PCDH11X: variants seen among roughly 807,000 people sequenced by gnomAD.
PCDH11X encodes the protein protocadherin-11 X-linked.
PCDH11X carries 18 observed loss-of-function variants against 53.3 expected under a neutral mutation model. That is an observed-to-expected ratio of 0.34 (90% CI 0.23 to 0.50). The LOEUF (loss-of-function observed/expected upper bound fraction) is 0.50, where lower values mean the gene tolerates loss of function less well. Among genes scored for constraint, PCDH11X ranks in the 20% least tolerant of loss-of-function variants. The pLI, the probability that PCDH11X is intolerant of heterozygous loss-of-function variation, is 0.98. For missense variants in PCDH11X, 570 were observed against 1,032.4 expected, an observed-to-expected ratio of 0.55 and a Z score of 6.14; for synonymous variants, 279 against 393.3, an observed-to-expected ratio of 0.71 and a Z score of 3.44.
intron 7 of PCDH11X, among the ~76,000 whole-genome samples, chrX:92,232,271 G>A (rs1438771728): frequency 1.8e-5 from 2 of 111,021 alleles, no homozygotes. Flanking sequence ...GGAATAGAAA[G>A]GTCAGTGGCA....
rs1384525356 is a variant in PCDH11X at position 91,949,619 on chromosome X, C to T, written c.3033+70346C>T. ...ACCTGGGTAACTGTGATAAATCACT[C>T]GGCTTCTAGCGCTGTTTTCTCTGCT... On this transcript the variant is annotated intron_variant, in intron 6 of 10. Transcript: ENST00000682573. Among the ~76,000 whole-genome samples the T allele has an allele frequency of 3.6e-5, 4 of 110,005 alleles. 1 individual carries two copies. Among genetic ancestry groups the T allele is most frequent in the East Asian group, 2.9e-4 (1 of 3,466 alleles).
intron 8 of PCDH11X, among the ~76,000 whole-genome samples, chrX:92,273,641 C>T (rs1223594859): frequency 7.3e-5 from 8 of 109,994 alleles, no homozygotes; most frequent in Middle Eastern, 4.7e-3. Flanking sequence ...GGATTAGGGG[C>T]GGCGTGGGAA....
Position 92,084,261 on chromosome X carries a change from G to A in PCDH11X, c.3034-117114G>A, listed in dbSNP as rs190815549. Among the ~76,000 whole-genome samples, 286 of 109,985 alleles carry A rather than the reference G, an allele frequency of 2.6e-3. 2 individuals carry two copies. The highest frequency in any genetic ancestry group is 9.3e-3 in the Middle Eastern group (2 of 215). ...GTCTAGTTTTTGAAAATTTGGAAGA[G>A]TTCGGGCCGGGTGCAGTGGCTAACA... On this transcript the variant is annotated intron_variant, in intron 6 of 10. Coordinates refer to ENST00000682573, the MANE Select transcript of PCDH11X (RefSeq NM_032968.5).
chrX:92,358,769 GTTTCTTTTAT>G (rs1413676460), intron 8 of PCDH11X, among the ~76,000 whole-genome samples: 1 of 105,859 alleles, frequency 9.4e-6, no homozygotes, highest in East Asian at 3.1e-4. Context: ...ACCTCTGTTA[GTTTCTTTTAT>G]TTTCTTTTAG....
intron 6 of PCDH11X, among the ~76,000 whole-genome samples, chrX:92,039,337 T>G (rs1207132547): frequency 8.9e-6 from 1 of 112,518 alleles, no homozygotes; most frequent in Non-Finnish European, 1.9e-5. Flanking sequence ...GGTCCAGAGA[T>G]GCTATCTGGG....
chrX:92,232,122 T>C (rs184457096), intron 7 of PCDH11X, among the ~76,000 whole-genome samples: 2 of 112,363 alleles, frequency 1.8e-5, no homozygotes, highest in African/African-American at 6.5e-5. Context: ...GCAGCCATTA[T>C]TATTGCGTTA....
intron 5 of PCDH11X, among the ~76,000 whole-genome samples, chrX:91,859,310 TG>T (rs1938529499): frequency 9.2e-6 from 1 of 108,638 alleles, no homozygotes; most frequent in East Asian, 2.9e-4. Flanking sequence ...CACTTTTTAA[TG>T]TTTTTTTTTC....
At chrX:92,258,549 A>G (rs2067646915) in intron 7 of PCDH11X, among the ~76,000 whole-genome samples, 1 of 109,111 alleles carries the variant, frequency 9.2e-6, no homozygotes, top group African/African-American at 3.3e-5. Context: ...TTGTATTTTT[A>G]GTGGAGACGG....
intron 7 of PCDH11X, among the ~76,000 whole-genome samples, chrX:92,219,586 T>C (rs1429106115): frequency 3.8e-5 from 4 of 104,752 alleles, no homozygotes; most frequent in Admixed American, 3.1e-4. Flanking sequence ...TGCTCATGGG[T>C]AGGAAGAATC....
intron 8 of PCDH11X, among the ~76,000 whole-genome samples, chrX:92,305,461 T>C (rs1452791974): frequency 9.1e-6 from 1 of 109,407 alleles, no homozygotes; most frequent in Non-Finnish European, 1.9e-5. Flanking sequence ...AGATATCTGG[T>C]GTCTCTTCCT....
chrX:92,215,071 GC>G (rs1423414245), intron 7 of PCDH11X, among the ~76,000 whole-genome samples: 1 of 111,209 alleles, frequency 9.0e-6, no homozygotes, highest in African/African-American at 3.3e-5. Flanking sequence ...TGGGGAAGCA[GC>G]CAAGATGGCC....
chrX:92,473,739 A>C (rs1452027601), intron 10 of PCDH11X, among the ~76,000 whole-genome samples: 1 of 110,777 alleles, frequency 9.0e-6, no homozygotes, highest in Non-Finnish European at 1.9e-5. Flanking sequence ...TTTAATTTCT[A>C]TGTGAGTGTA....
In PCDH11X at chrX:92,147,854, T is replaced by TCTTTCTTTCTCTTTCTTTCTTTC. The variant is rs1467457236; in HGVS notation, c.3034-53521_3034-53520insCTTTCTTTCTCTTTCTTTCTTTC. On this transcript the variant is annotated intron_variant, in intron 6 of 10. Transcript: ENST00000682573. ...TTCTTTCTTTCTTTCTTTCTTTCTTTTTTCTTTTCTCTCTTTCCTTTCTTT... is the reference window on the plus strand; with the variant it reads ...TTCTTTCTTTCTTTCTTTCTTTCTTTCTTTCTTTCTCTTTCTTTCTTTCTTTCTTTTCTCTCTTTCCTTTCTTT... Among the ~76,000 whole-genome samples the TCTTTCTTTCTCTTTCTTTCTTTC allele has an allele frequency of 8.8e-5, 5 of 56,606 alleles. No individual in the cohort carries two copies. The South Asian group carries it at 4.3e-3, about 48-fold the overall frequency. The allele number at this position is 56,606 out of a possible 115,157, so 49.2% of individuals were successfully genotyped here. A position where few individuals can be genotyped will look rare whatever the true frequency, so the allele number is the denominator to read the frequency against.
chrX:91,837,944 T>C (rs1937363353), intron 5 of PCDH11X, among the ~76,000 whole-genome samples: 1 of 111,765 alleles, frequency 8.9e-6, no homozygotes, highest in Non-Finnish European at 1.9e-5. Flanking sequence ...GCTATCATAC[T>C]GCACAGCACA....
intron 5 of PCDH11X, among the ~76,000 whole-genome samples, chrX:91,854,508 C>T (rs892358325): frequency 6.2e-5 from 7 of 112,138 alleles, no homozygotes; most frequent in African/African-American, 1.3e-4. Context: ...TTCTTTTGTG[C>T]GTATACCCAG....
intron 9 of PCDH11X, among the ~76,000 whole-genome samples, chrX:92,409,836 T>C (rs1256878913): frequency 3.6e-5 from 4 of 111,965 alleles, no homozygotes; most frequent in Non-Finnish European, 5.6e-5. Flanking sequence ...TTTCAATTAG[T>C]GGACTCTTAA....
intron 6 of PCDH11X, among the ~76,000 whole-genome samples, chrX:92,148,063 T>C (rs1569389033): frequency 0.015 from 108 of 7,119 alleles, 9 homozygotes; most frequent in African/African-American, 0.055. Context: ...CCTTCCTTTC[T>C]TTCTTTCTTT....
At chrX:92,236,876 A>T (rs1384254272) in intron 7 of PCDH11X, among the ~76,000 whole-genome samples, 1 of 112,029 alleles carries the variant, frequency 8.9e-6, no homozygotes, top group Non-Finnish European at 1.9e-5. Context: ...TGAGATGCCG[A>T]CTTAGACAAC....
chrX:92,331,163 A>G (rs2069455663), intron 8 of PCDH11X, among the ~76,000 whole-genome samples: 1 of 109,918 alleles, frequency 9.1e-6, no homozygotes, highest in Admixed American at 9.9e-5. Flanking sequence ...CAACCTTACA[A>G]TGTAGCCTTG....
Sources: gnomAD v4.1 joint callset for allele counts (sites outside exome capture counted in the v4.1 genomes callset) on GRCh38, gnomAD v4.1.1 for gene constraint, MANE v1.5 for transcripts, NCBI Gene and HGNC (gene_info 2026-07-23, HGNC 2026-07-21) for gene names.